The following MECOM variants were observed in gnomAD, a reference collection of about 807,000 sequenced individuals.
The protein encoded by MECOM is histone-lysine N-methyltransferase MECOM.
Under a neutral mutation model 116.3 loss-of-function variants are expected in MECOM, and 13 were observed. That is an observed-to-expected ratio of 0.11 (90% confidence interval 0.07 to 0.18). The LOEUF is 0.18. MECOM is among the 10% of genes least tolerant of loss of function. The pLI, the probability that MECOM is intolerant of heterozygous loss-of-function variation, is 1.00. For synonymous variants in MECOM, 528 were observed against 535.2 expected, an observed-to-expected ratio of 0.99 and a Z score of 0.19; for missense variants, 1,299 against 1,509.0, an observed-to-expected ratio of 0.86 and a Z score of 2.31.
chr3:169,317,853 A>C (rs921994233), intron 2 of MECOM, among the ~76,000 whole-genome samples: 9 of 152,224 alleles, frequency 5.9e-5, no homozygotes, highest in Non-Finnish European at 1.2e-4. Context: ...TGGAGGCATC[A>C]TGCTACCTGG....
At chr3:169,369,197 A>G (rs1182332533) in intron 2 of MECOM, among the ~76,000 whole-genome samples, 3 of 152,016 alleles carry the variant, frequency 2.0e-5, no homozygotes, top group Non-Finnish European at 4.4e-5. Context: ...AGCAAGCCTC[A>G]TGGTATGGAC....
Position 169,127,892 on chromosome 3 carries a change from G to C in MECOM, c.782C>G (p.Thr261Arg), listed in dbSNP as rs146635720. The C allele has an allele frequency of 1.2e-6, 2 of 1,613,944 alleles. No homozygotes were observed. The highest frequency in any genetic ancestry group is 3.3e-5 in the Admixed American group (2 of 59,998). ...GTCACATTCCTTACACTCCTGGATCGTGTGTATCTCTTGGAGATCATTCTC... is the reference window on the plus strand; with the variant it reads ...GTCACATTCCTTACACTCCTGGATCCTGTGTATCTCTTGGAGATCATTCTC... ...ESENDLQEIH[T>R]IQECKECDQV... The change falls in exon 5 of 17, where the codon ACG becomes AGG. Residue 261 changes from threonine (T) to arginine (R), a missense_variant. By Grantham distance (71) the Thr-to-Arg change is moderately conservative. Transcript: ENST00000651503.
chr3:169,558,385 G>C (rs1206000767), intron 1 of MECOM, among the ~76,000 whole-genome samples: 1 of 152,054 alleles, frequency 6.6e-6, no homozygotes, highest in Non-Finnish European at 1.5e-5. Flanking sequence ...TGTTTTTCTA[G>C]TGTTTTCCAT....
intron 1 of MECOM, among the ~76,000 whole-genome samples, chr3:169,477,737 T>C (rs1750704737): frequency 6.6e-6 from 1 of 152,194 alleles, no homozygotes; most frequent in South Asian, 2.1e-4. Context: ...AGGCAAACCT[T>C]GTAGATAGCC....
chr3:169,371,261 A>G lies in MECOM; in HGVS notation c.375+9926T>C, dbSNP rs964239843. On this transcript the variant is annotated intron_variant, in intron 2 of 16. Coordinates refer to ENST00000651503, the MANE Select transcript of MECOM (RefSeq NM_004991.4). Reference sequence around the variant, plus strand: ...TGCTAAGTGAAATAAGCCAAACACAAAAAGACAAATACTGCATGATTTCAC... The same window carrying G: ...TGCTAAGTGAAATAAGCCAAACACAGAAAGACAAATACTGCATGATTTCAC... 6.6e-5 allele frequency among the ~76,000 whole-genome samples: 10 copies of G among 151,968 alleles called. 1 individual carries two copies. Among genetic ancestry groups the G allele is most frequent in the Admixed American group, 5.9e-4 (9 of 15,218 alleles).
rs1055499740 is a variant in MECOM, at chr3:169,661,563, GGGGAAA to G, written c.37+1767_37+1772del. Among the ~76,000 whole-genome samples, 17 of 152,180 alleles carry G rather than the reference GGGGAAA, an allele frequency of 1.1e-4. 1 individual carries two copies. On this transcript the variant is annotated intron_variant, in intron 1 of 16. Coordinates refer to ENST00000651503, the MANE Select transcript of MECOM (RefSeq NM_004991.4). ...TATTTAGGTTGATTTCTCAGACCCA[GGGGAAA>G]GGAAATGTATCGGGGAGTGTACGAG...
intron 9 of MECOM, 66 bp downstream of exon 9, chr3:169,112,721 T>C: frequency 8.3e-7 from 1 of 1,209,534 alleles, no homozygotes; most frequent in Non-Finnish European, 1.2e-6. Context: ...TTCATTTCAT[T>C]GCACCTGCTT....
intron 1 of MECOM, among the ~76,000 whole-genome samples, chr3:169,644,237 T>C (rs1203470085): frequency 3.3e-5 from 1 of 30,354 alleles, no homozygotes; most frequent in Non-Finnish European, 5.2e-5. Context: ...TATTTATTTG[T>C]TTATTTATTT....
chr3:169,186,108 C>T (rs1022002826), intron 2 of MECOM, among the ~76,000 whole-genome samples: 6 of 152,048 alleles, frequency 3.9e-5, no homozygotes, highest in African/African-American at 7.2e-5. Context: ...ATGCTTCTGC[C>T]ATGACAGCAC....
intron 1 of MECOM, among the ~76,000 whole-genome samples, chr3:169,527,036 GT>G (rs1378783792): frequency 6.6e-6 from 1 of 152,194 alleles, no homozygotes; most frequent in Admixed American, 6.5e-5. Context: ...AATGTGAGCT[GT>G]TAAGAATGGA....
At chr3:169,551,155 T>G (rs1471150703) in intron 1 of MECOM, among the ~76,000 whole-genome samples, 1 of 152,106 alleles carries the variant, frequency 6.6e-6, no homozygotes, top group East Asian at 1.9e-4. Context: ...TGAAACGAGT[T>G]GACAATTGAT....
chr3:169,541,319 G>T (rs897468088), intron 1 of MECOM, among the ~76,000 whole-genome samples: 2 of 152,148 alleles, frequency 1.3e-5, no homozygotes, highest in Admixed American at 6.5e-5. Flanking sequence ...AACAAAAAAT[G>T]GTTCAGTTTC....
intron 1 of MECOM, among the ~76,000 whole-genome samples, chr3:169,493,375 G>A (rs998764239): frequency 3.3e-5 from 5 of 152,044 alleles, no homozygotes; most frequent in African/African-American, 4.8e-5. Context: ...TGCAAAACCT[G>A]TATGGTTCTT....
intron 2 of MECOM, chr3:169,147,152 T>C (rs1200592586): frequency 4.1e-6 from 4 of 985,534 alleles, no homozygotes; most frequent in Non-Finnish European, 4.8e-6. Flanking sequence ...CAGCCCGATG[T>C]GTAATGAAAG....
intron 3 of MECOM, chr3:169,133,899 C>A (rs985265407): frequency 7.8e-7 from 1 of 1,286,112 alleles, no homozygotes; most frequent in Non-Finnish European, 1.0e-6. Flanking sequence ...CTTCTCTCAA[C>A]AGTTTGAATC....
At chr3:169,345,605 A>G (rs1249986703) in intron 2 of MECOM, among the ~76,000 whole-genome samples, 3 of 152,144 alleles carry the variant, frequency 2.0e-5, no homozygotes, top group African/African-American at 7.2e-5. Context: ...CCACAAATTG[A>G]GAGAGATTAA....
At chr3:169,397,365 A>T (rs1735174025) in intron 1 of MECOM, among the ~76,000 whole-genome samples, 1 of 152,220 alleles carries the variant, frequency 6.6e-6, no homozygotes. Flanking sequence ...TGGCCAATGA[A>T]CAATGAGCAA....
At chr3:169,446,993 CAAAT>C (rs1744747493) in intron 1 of MECOM, among the ~76,000 whole-genome samples, 2 of 152,100 alleles carry the variant, frequency 1.3e-5, no homozygotes, top group South Asian at 4.1e-4. Context: ...ATTTTGTCAA[CAAAT>C]AAATACTTAC....
At chr3:169,179,695 T>C (rs1189431747) in intron 2 of MECOM, among the ~76,000 whole-genome samples, 1 of 152,228 alleles carries the variant, frequency 6.6e-6, no homozygotes, top group Non-Finnish European at 1.5e-5. Context: ...TCTTACAAGC[T>C]AATAAAGATG....
Sources: gnomAD v4.1 joint callset for allele counts (sites outside exome capture counted in the v4.1 genomes callset) on GRCh38, gnomAD v4.1.1 for gene constraint, MANE v1.5 for transcripts, NCBI Gene and HGNC (gene_info 2026-07-23, HGNC 2026-07-21) for gene names.